ZNF37A: variants seen among roughly 807,000 people sequenced by gnomAD.
ZNF37A encodes the protein zinc finger protein 37A.
In ZNF37A, 10 loss-of-function variants were observed where a neutral mutation model predicts 12.3. That is an observed-to-expected ratio of 0.82 (90% CI 0.50 to 1.38). The LOEUF (loss-of-function observed/expected upper bound fraction) is 1.38. Ranked by LOEUF, ZNF37A falls within the 40% of genes most tolerant of loss-of-function variation. The pLI, the probability that ZNF37A is intolerant of heterozygous loss-of-function variation, is 0.00. For synonymous variants in ZNF37A, 207 were observed against 223.0 expected (o/e 0.93, Z 0.64); for missense variants, 580 against 651.2 (o/e 0.89, Z 1.19).
chr10:38,114,813 T>C lies in ZNF37A; in HGVS notation c.74T>C (p.Leu25Pro), dbSNP rs1443478051. The change falls in exon 6 of 8, where the codon CTG becomes CCG. Residue 25 changes from leucine (L) to proline (P), a missense_variant. Leu to Pro is a moderately conservative substitution (Grantham distance 98). Coordinates refer to ENST00000685332, the MANE Select transcript of ZNF37A (RefSeq NM_001324250.3). ...VGFTQEEWQHLDPAQRTLYRD... is the reference protein window; with the variant it reads ...VGFTQEEWQHPDPAQRTLYRD... ...TTCACTCAAGAGGAGTGGCAGCATC[T>C]GGACCCTGCTCAGAGGACCCTGTAC... is the stretch of plus-strand genomic sequence containing the variant. 6.2e-7 allele frequency: 1 copy of C among 1,614,044 alleles called. No homozygotes were observed. The highest frequency in any genetic ancestry group is 2.2e-5 in the East Asian group (1 of 44,858).
chr10:38,128,412 T>C (rs1466760276), downstream of ZNF37A, among the ~76,000 whole-genome samples: 1 of 152,108 alleles, frequency 6.6e-6, no homozygotes, highest in African/African-American at 2.4e-5. Flanking sequence ...GTATACTCAA[T>C]AGAAGCAATC....
At chr10:38,127,520 C>A (rs571047714), downstream of ZNF37A, among the ~76,000 whole-genome samples, 12 of 152,280 alleles carry the variant, frequency 7.9e-5, no homozygotes, top group African/African-American at 2.9e-4. Flanking sequence ...TAGTGTTACA[C>A]AGCTCATTCA....
At chr10:38,107,230 C>T (rs2135939097) in intron 5 of ZNF37A, among the ~76,000 whole-genome samples, 1 of 152,270 alleles carries the variant, frequency 6.6e-6, no homozygotes, top group South Asian at 2.1e-4. Context: ...ATTTTCAACC[C>T]AGAATTTCAT....
At position 38,123,712 on chromosome 10, in the gene ZNF37A, A is replaced by G. The variant is rs2136065110; in HGVS notation, c.*4875A>G. 1 of 152,330 alleles carries G rather than the reference A, an allele frequency of 6.6e-6. No individual in the cohort carries two copies. Among genetic ancestry groups the G allele is most frequent in the East Asian group, 1.9e-4 (1 of 5,188 alleles). The allele number at this position is 152,330 out of a possible 1,614,324, so 9.4% of individuals were successfully genotyped here. A position where few individuals can be genotyped will look rare whatever the true frequency, so the allele number is the denominator to read the frequency against. ...GACGTTTCTCAAAAGAAGACATACA[A>G]ATGGCAAACAGGCATATGAAAAGGT... On this transcript the variant is annotated 3_prime_UTR_variant, in exon 8 of 8. Transcript: ENST00000685332.
intron 7 of ZNF37A, chr10:38,142,928 A>C (rs1464644039): frequency 1.3e-5 from 2 of 151,744 alleles, no homozygotes; most frequent in Non-Finnish European, 2.9e-5. Context: ...GTTTAGAAAA[A>C]CTCAAGAAGG....
chr10:38,116,621 A>G (rs1467674386), intron 7 of ZNF37A, among the ~76,000 whole-genome samples: 1 of 152,190 alleles, frequency 6.6e-6, no homozygotes, highest in Non-Finnish European at 1.5e-5. Context: ...TACTTCAGTG[A>G]TACCTTGTTT....
chr10:38,116,006 G>C (rs1157714862), intron 7 of ZNF37A, among the ~76,000 whole-genome samples: 1 of 152,046 alleles, frequency 6.6e-6, no homozygotes, highest in Admixed American at 6.6e-5. Flanking sequence ...CTGGGAAGAG[G>C]CTGCAGTTAA....
At chr10:38,146,767 T>C in exon 8 of ZNF37A, 1 of 398,418 alleles carries the variant, frequency 2.5e-6, no homozygotes, top group Non-Finnish European at 4.4e-6. Flanking sequence ...TGGGCCTGCA[T>C]GGATTTGTGC....
rs1221703918 is a variant in ZNF37A at position 38,119,873 on chromosome 10, A to G, written c.*1036A>G. On this transcript the variant is annotated 3_prime_UTR_variant, in exon 8 of 8. Transcript: ENST00000685332. Reference sequence around the variant, plus strand: ...AATAATCCTAGGGCAGACTAAATTCAGACGACCCATCTCAGAATGGTGGAT... The same window carrying G: ...AATAATCCTAGGGCAGACTAAATTCGGACGACCCATCTCAGAATGGTGGAT... The G allele has an allele frequency of 6.6e-6, 1 of 152,206 alleles. No homozygotes were observed. Among genetic ancestry groups the G allele is most frequent in the Non-Finnish European group, 1.5e-5 (1 of 68,040 alleles). 9.4% of individuals were successfully genotyped at this position (152,206 alleles called of 1,614,324 possible).
chr10:38,130,026 A>G (rs1314651677), downstream of ZNF37A, among the ~76,000 whole-genome samples: 1 of 152,206 alleles, frequency 6.6e-6, no homozygotes, highest in Non-Finnish European at 1.5e-5. Flanking sequence ...CTACTCAACC[A>G]TAATCTTTCC....
At chr10:38,138,961 A>G (rs2136082057) in intron 7 of ZNF37A, 1 of 152,164 alleles carries the variant, frequency 6.6e-6, no homozygotes, top group Non-Finnish European at 1.5e-5. Context: ...CTAACTTAAC[A>G]TTCTGTCCCT....
intron 5 of ZNF37A, among the ~76,000 whole-genome samples, chr10:38,109,103 A>G (rs1205705876): frequency 3.3e-5 from 5 of 152,200 alleles, no homozygotes. Context: ...TGGCAAACCG[A>G]ATCCAGCAGC....
Position 38,118,313 on chromosome 10 carries a change from T to C in ZNF37A, c.1162T>C (p.Cys388Arg), listed in dbSNP as rs2069454697. ...TGEKPYECYA[C>R]GKAFLRKSDL... ...GGAGAAGCCCTATGAATGCTATGCA[T>C]GTGGGAAAGCCTTTCTCAGAAAATC... The change falls in exon 8 of 8, where the codon TGT becomes CGT. Residue 388 changes from cysteine (C) to arginine (R), a missense_variant. By Grantham distance (180) the Cys-to-Arg change is radical (BLOSUM62 -3). Transcript: ENST00000685332. The C allele has an allele frequency of 1.2e-6, 2 of 1,613,750 alleles. No individual in the cohort carries two copies. The highest frequency in any genetic ancestry group is 1.7e-5 in the Admixed American group (1 of 59,920).
chr10:38,097,260 G>A (rs72793755), intron 5 of ZNF37A, among the ~76,000 whole-genome samples: 5,426 of 152,152 alleles, frequency 0.036, 129 homozygotes, highest in Non-Finnish European at 0.054. Flanking sequence ...AAACTTAAGC[G>A]ATATCAAGAG....
chr10:38,112,505 C>A (rs1201440845), intron 5 of ZNF37A, among the ~76,000 whole-genome samples: 1 of 150,544 alleles, frequency 6.6e-6, no homozygotes, highest in Non-Finnish European at 1.5e-5. Context: ...CATAAACGGG[C>A]TATAATGTAC....
intron 5 of ZNF37A, among the ~76,000 whole-genome samples, chr10:38,097,376 G>A (rs1425639939): frequency 6.6e-6 from 1 of 151,928 alleles, no homozygotes; most frequent in Non-Finnish European, 1.5e-5. Flanking sequence ...TCAGGAGTCC[G>A]AGACCAGCCT....
intron 5 of ZNF37A, among the ~76,000 whole-genome samples, chr10:38,107,737 A>C (rs1303307131): frequency 3.3e-5 from 5 of 152,210 alleles, no homozygotes; most frequent in African/African-American, 1.2e-4. Flanking sequence ...AAACCAACGA[A>C]GATCAAAAGA....
chr10:38,137,863 T>A (rs193266517), intron 7 of ZNF37A: 1 of 152,334 alleles, frequency 6.6e-6, no homozygotes, highest in East Asian at 1.9e-4. Context: ...AGAGATGGAT[T>A]TTTGGTATTT....
rs1433617154 is a variant in ZNF37A at position 38,118,636 on chromosome 10, T to G, written c.1485T>G (p.Tyr495Ter). The part of the protein sequence containing the change: ...HQRTHIRQKP[Y>*]GCNQCGKSFC... ...GAACTCATATAAGACAGAAACCCTA[T>G]GGATGTAATCAATGTGGAAAATCAT... The change falls in exon 8 of 8, where the codon TAT becomes TAG. Residue 495 changes from tyrosine to a stop codon, truncating the protein, a stop_gained. Coordinates refer to ENST00000685332, the MANE Select transcript of ZNF37A (RefSeq NM_001324250.3). LOFTEE classifies it low-confidence loss of function (END_TRUNC). 1 of 1,613,598 alleles carries G rather than the reference T, an allele frequency of 6.2e-7. No individual in the cohort carries two copies. The highest frequency in any genetic ancestry group is 8.5e-7 in the Non-Finnish European group (1 of 1,179,886).
Sources: allele counts gnomAD v4.1 joint callset (sites outside exome capture counted in the v4.1 genomes callset), GRCh38; gene constraint gnomAD v4.1.1; transcripts MANE v1.5; gene names NCBI Gene and HGNC (gene_info 2026-07-23, HGNC 2026-07-21).